The following ANKRD30BL variants were observed in gnomAD, a reference collection of about 807,000 sequenced individuals.
ANKRD30BL encodes putative ankyrin repeat domain-containing protein 30B-like.
ANKRD30BL carries 20 observed loss-of-function variants against 18.4 expected under a neutral mutation model. That is an observed-to-expected ratio of 1.09 (90% confidence interval 0.77 to 1.58). The LOEUF (loss-of-function observed/expected upper bound fraction) is 1.58. ANKRD30BL is among the 40% of genes most tolerant of loss of function. The probability of loss-of-function intolerance (pLI) is 0.00; values close to 1 mark genes in which losing one functional copy is unlikely to be tolerated. For missense variants in ANKRD30BL, 224 were observed against 268.6 expected, an observed-to-expected ratio of 0.83 and a Z score of 1.16; for synonymous variants, 72 against 100.9, an observed-to-expected ratio of 0.71 and a Z score of 1.72.
intron 1 of ANKRD30BL, among the ~76,000 whole-genome samples, chr2:132,220,017 A>G (rs1227289448): frequency 6.6e-6 from 1 of 152,164 alleles, no homozygotes; most frequent in Non-Finnish European, 1.5e-5. Flanking sequence ...AACTAGACAG[A>G]AGCATTCTCA....
intron 1 of ANKRD30BL, among the ~76,000 whole-genome samples, chr2:132,158,945 T>C (rs1687984319): frequency 6.6e-6 from 1 of 152,014 alleles, no homozygotes; most frequent in African/African-American, 2.4e-5. Context: ...AGAAATTATT[T>C]TTATTGGTGC....
At chr2:132,234,249 T>C (rs370272389) in intron 1 of ANKRD30BL, among the ~76,000 whole-genome samples, 1 of 151,890 alleles carries the variant, frequency 6.6e-6, no homozygotes, top group East Asian at 1.9e-4. Flanking sequence ...GATAAAAAAT[T>C]GACACCCTAA....
At chr2:132,239,621 G>A (rs78319168) in intron 1 of ANKRD30BL, among the ~76,000 whole-genome samples, 1,564 of 151,772 alleles carry the variant, frequency 0.01, 12 homozygotes, top group Admixed American at 0.014. Flanking sequence ...TGAGAATTTC[G>A]TTAGAAACGG....
chr2:132,212,013 CTT>C (rs1021757228), intron 1 of ANKRD30BL, among the ~76,000 whole-genome samples: 8 of 151,992 alleles, frequency 5.3e-5, no homozygotes, highest in East Asian at 1.9e-4. Context: ...TGGAAACACT[CTT>C]TTTGTAGAAT....
At position 132,197,178 on chromosome 2, in the gene ANKRD30BL, G is replaced by C. The variant is rs1350568095; in HGVS notation, n.442-40032C>G. ...ATGATGCCATAAAATTTCCATTGCA[G>C]AGGAAAGACTTGAGGACTCTAATTT... On this transcript the variant is annotated intron_variant and non_coding_transcript_variant, in intron 1 of 4. Coordinates refer to the ANKRD30BL transcript ENST00000470729. Among the ~76,000 whole-genome samples the C allele has an allele frequency of 1.1e-4, 17 of 150,230 alleles. No individual in the cohort carries two copies. In the South Asian group the frequency reaches 1.6e-3, roughly 14 times the overall value.
chr2:132,244,722 G>A (rs7587083), intron 1 of ANKRD30BL, among the ~76,000 whole-genome samples: 1,628 of 148,970 alleles, frequency 0.011, 8 homozygotes, highest in African/African-American at 0.04. Flanking sequence ...GTGGATATTT[G>A]GATAGCTTTG....
At chr2:132,220,609 G>T (rs371956865) in intron 1 of ANKRD30BL, among the ~76,000 whole-genome samples, 1 of 151,990 alleles carries the variant, frequency 6.6e-6, no homozygotes, top group Non-Finnish European at 1.5e-5. Flanking sequence ...CGAGTGATCC[G>T]CCAGCCTCGG....
intron 1 of ANKRD30BL, among the ~76,000 whole-genome samples, chr2:132,178,012 TTAAAA>T (rs1176736465): frequency 6.6e-6 from 1 of 152,226 alleles, no homozygotes; most frequent in Non-Finnish European, 1.5e-5. Flanking sequence ...GATGTGATTC[TTAAAA>T]TGAAATGAAT....
intron 1 of ANKRD30BL, among the ~76,000 whole-genome samples, chr2:132,201,767 T>C (rs1355149846): frequency 2.6e-5 from 4 of 152,150 alleles, no homozygotes; most frequent in Admixed American, 6.6e-5. Flanking sequence ...AGAAATACCA[T>C]TTGACCCAGC....
At chr2:132,200,660 G>A (rs1679080136) in intron 1 of ANKRD30BL, among the ~76,000 whole-genome samples, 1 of 152,148 alleles carries the variant, frequency 6.6e-6, no homozygotes, top group South Asian at 2.1e-4. Flanking sequence ...CAAACAAATG[G>A]AAGAACATTC....
At chr2:132,252,979 AC>A (rs1352745292) in intron 1 of ANKRD30BL, among the ~76,000 whole-genome samples, 1 of 152,054 alleles carries the variant, frequency 6.6e-6, no homozygotes. Context: ...ACGCCACCCA[AC>A]GCGTGACTAC....
chr2:132,231,482 G>A (rs183268684), intron 1 of ANKRD30BL, among the ~76,000 whole-genome samples: 47 of 152,328 alleles, frequency 3.1e-4, no homozygotes, highest in East Asian at 2.5e-3. Flanking sequence ...GTGGGTGCAC[G>A]CACCGTGCAC....
chr2:132,160,433 T>G (rs1441270293), intron 1 of ANKRD30BL, among the ~76,000 whole-genome samples: 3 of 144,458 alleles, frequency 2.1e-5, no homozygotes, highest in African/African-American at 7.7e-5. Flanking sequence ...TTTTATTTAT[T>G]TATTTATTTA....
chr2:132,224,803 T>C (rs10181928), intron 1 of ANKRD30BL, among the ~76,000 whole-genome samples: 26,145 of 151,536 alleles, frequency 0.17, 4,968 homozygotes, highest in African/African-American at 0.48. Flanking sequence ...TCGATGGAAA[T>C]GGGAATATCT....
intron 1 of ANKRD30BL, among the ~76,000 whole-genome samples, chr2:132,194,623 C>G (rs1385927660): frequency 1.3e-5 from 2 of 152,172 alleles, no homozygotes; most frequent in African/African-American, 4.8e-5. Context: ...TCTCTCTTTC[C>G]CTCTACAGGT....
intron 1 of ANKRD30BL, among the ~76,000 whole-genome samples, chr2:132,224,647 C>G (rs539402137): frequency 6.6e-6 from 1 of 151,970 alleles, no homozygotes; most frequent in Admixed American, 6.6e-5. Context: ...AGTATCTTCA[C>G]TTAAAAACTA....
intron 1 of ANKRD30BL, among the ~76,000 whole-genome samples, chr2:132,238,888 C>T (rs565176155): frequency 3.9e-4 from 59 of 152,080 alleles, no homozygotes; most frequent in Non-Finnish European, 7.2e-4. Context: ...ATTTTTGAAA[C>T]ACTCTTTTTG....
chr2:132,236,605 C>G (rs1355531048), intron 1 of ANKRD30BL, among the ~76,000 whole-genome samples: 2 of 152,064 alleles, frequency 1.3e-5, no homozygotes, highest in Non-Finnish European at 2.9e-5. Flanking sequence ...GAATGGCAAT[C>G]ATTAAAAAGA....
chr2:132,167,324 TATTTTATTTTATTTTATTTTG>T lies in ANKRD30BL; in HGVS notation n.442-10199_442-10179del, dbSNP rs1286979640. Among the ~76,000 whole-genome samples the T allele has an allele frequency of 1.9e-3, 250 of 132,852 alleles. 3 individuals are homozygous for T. The highest frequency in any genetic ancestry group is 6.4e-3 in the African/African-American group (240 of 37,294). 87.2% of individuals were successfully genotyped at this position (132,852 alleles called of 152,430 possible). The stretch of plus-strand genomic sequence containing the variant: ...TATTTTATTTTATTTTATTTTATTT[TATTTTATTTTATTTTATTTTG>T]AGATAGAGCCTCACTCTGTCACACA... On this transcript the variant is annotated intron_variant and non_coding_transcript_variant, in intron 1 of 4. Coordinates refer to the ANKRD30BL transcript ENST00000470729.
Sources: gnomAD v4.1 joint callset for allele counts (sites outside exome capture counted in the v4.1 genomes callset) on GRCh38, gnomAD v4.1.1 for gene constraint, MANE v1.5 for transcripts, NCBI Gene and HGNC (gene_info 2026-07-23, HGNC 2026-07-21) for gene names.